KCNH7: variants seen among roughly 807,000 people sequenced by gnomAD.
KCNH7 encodes voltage-gated inwardly rectifying potassium channel KCNH7.
Under a neutral mutation model 120.8 loss-of-function variants are expected in KCNH7, and 49 were observed. That is an observed-to-expected ratio of 0.41 (90% CI 0.32 to 0.51). KCNH7 has a LOEUF of 0.51. KCNH7 is among the 20% of genes least tolerant of loss of function. The probability of loss-of-function intolerance (pLI) is 0.38; values close to 1 mark genes in which losing one functional copy is unlikely to be tolerated. For missense variants in KCNH7, 1,097 were observed against 1,446.6 expected, an observed-to-expected ratio of 0.76 and a Z score of 3.92; for synonymous variants, 547 against 516.1, an observed-to-expected ratio of 1.06 and a Z score of -0.81.
At chr2:162,759,523 G>A (rs1191727440) in intron 2 of KCNH7, among the ~76,000 whole-genome samples, 3 of 151,982 alleles carry the variant, frequency 2.0e-5, no homozygotes, top group Non-Finnish European at 4.4e-5. Context: ...TGTAAGTCCT[G>A]GGGTCTCTAC....
At chr2:162,755,779 T>G (rs1688767371) in intron 2 of KCNH7, among the ~76,000 whole-genome samples, 1 of 152,140 alleles carries the variant, frequency 6.6e-6, no homozygotes, top group Non-Finnish European at 1.5e-5. Flanking sequence ...TGTTATGACA[T>G]GAAATACTAA....
intron 6 of KCNH7, among the ~76,000 whole-genome samples, chr2:162,482,572 G>A (rs934031860): frequency 2.0e-5 from 3 of 152,118 alleles, no homozygotes; most frequent in South Asian, 2.1e-4. Context: ...TAAGACTTGG[G>A]AATAGCTGTT....
At chr2:162,837,629 T>C (rs537754333) in intron 1 of KCNH7, among the ~76,000 whole-genome samples, 143 of 152,314 alleles carry the variant, frequency 9.4e-4, no homozygotes, top group Non-Finnish European at 1.8e-3. Flanking sequence ...AATGTATTAA[T>C]ATAGTTTTAA....
intron 2 of KCNH7, among the ~76,000 whole-genome samples, chr2:162,816,056 C>T (rs995275102): frequency 2.6e-5 from 4 of 151,938 alleles, no homozygotes; most frequent in Admixed American, 6.5e-5. Context: ...GTCGGGAGTT[C>T]GAGACCAGCC....
chr2:162,461,164 A>T lies in KCNH7; in HGVS notation c.1129-14721T>A, dbSNP rs185467990. The stretch of plus-strand genomic sequence containing the variant: ...GAATGCTAGATAGCCATGGATGGGC[A>T]TCAACAAAATAAAAACAAAGACAAT... On this transcript the variant is annotated intron_variant, in intron 6 of 15. Coordinates refer to ENST00000332142, the MANE Select transcript of KCNH7 (RefSeq NM_033272.4). 3.3e-4 allele frequency among the ~76,000 whole-genome samples: 51 copies of T among 152,344 alleles called. 1 individual carries two copies. The Middle Eastern group carries it at 0.017, about 51-fold the overall frequency.
chr2:162,412,198 C>G (rs866674762), intron 9 of KCNH7, among the ~76,000 whole-genome samples: 1 of 151,714 alleles, frequency 6.6e-6, no homozygotes, highest in African/African-American at 2.4e-5. Flanking sequence ...AATGGAAATG[C>G]TTAATATATT....
chr2:162,650,757 C>T (rs1684536863), intron 2 of KCNH7, among the ~76,000 whole-genome samples: 1 of 152,150 alleles, frequency 6.6e-6, no homozygotes, highest in South Asian at 2.1e-4. Flanking sequence ...TCAGCTCTAC[C>T]AGAGCAAGGG....
chr2:162,459,255 A>G (rs1339989180), intron 6 of KCNH7, among the ~76,000 whole-genome samples: 1 of 152,086 alleles, frequency 6.6e-6, no homozygotes, highest in Non-Finnish European at 1.5e-5. Flanking sequence ...TGGTATATAC[A>G]TGTAATGTAT....
intron 2 of KCNH7, among the ~76,000 whole-genome samples, chr2:162,628,490 T>A (rs531604425): frequency 6.6e-6 from 1 of 152,118 alleles, no homozygotes; most frequent in East Asian, 1.9e-4. Flanking sequence ...GTTTGTTACA[T>A]AGGTAAACTT....
In KCNH7 at chr2:162,702,131, G is replaced by A. The variant is rs1021238940; in HGVS notation, c.307+134406C>T. Among the ~76,000 whole-genome samples the A allele has an allele frequency of 5.9e-5, 9 of 151,896 alleles. No individual in the cohort carries two copies. In the South Asian group the frequency reaches 6.2e-4, roughly 11 times the overall value. ...AGAAAAAAATTTTTTCAAAATATTC[G>A]GTCCTTTTAAAGTAAAGCAAGAACA... On this transcript the variant is annotated intron_variant, in intron 2 of 15. Transcript: ENST00000332142.
At chr2:162,812,461 A>G (rs189112202) in intron 2 of KCNH7, among the ~76,000 whole-genome samples, 19 of 152,238 alleles carry the variant, frequency 1.2e-4, no homozygotes, top group African/African-American at 4.3e-4. Context: ...TCAGAGCACA[A>G]ACCCACAGGA....
At chr2:162,380,898 C>T (rs1005437333) in intron 13 of KCNH7, among the ~76,000 whole-genome samples, 2 of 152,096 alleles carry the variant, frequency 1.3e-5, no homozygotes, top group Non-Finnish European at 2.9e-5. Context: ...TTTTTCTGAA[C>T]TTCTTTTAAT....
chr2:162,812,237 G>A (rs1684755671), intron 2 of KCNH7, among the ~76,000 whole-genome samples: 1 of 152,030 alleles, frequency 6.6e-6, no homozygotes, highest in Non-Finnish European at 1.5e-5. Flanking sequence ...GAAAAGAGAG[G>A]CCCCTAAATA....
chr2:162,805,651 T>A (rs181639436), intron 2 of KCNH7, among the ~76,000 whole-genome samples: 5 of 152,204 alleles, frequency 3.3e-5, no homozygotes, highest in African/African-American at 1.2e-4. Flanking sequence ...TAAATTAGGA[T>A]AACCTCTATG....
At chr2:162,786,403 T>A (rs148392364) in intron 2 of KCNH7, among the ~76,000 whole-genome samples, 6 of 152,130 alleles carry the variant, frequency 3.9e-5, no homozygotes, top group African/African-American at 1.4e-4. Context: ...TAAGAGAACA[T>A]GCACAGAGGT....
chr2:162,427,012 A>G (rs944112956), intron 8 of KCNH7, among the ~76,000 whole-genome samples: 1 of 151,928 alleles, frequency 6.6e-6, no homozygotes, highest in Admixed American at 6.6e-5. Flanking sequence ...TTTGCTCAAC[A>G]TAATGTTTTT....
chr2:162,439,517 GAACTCAACTT>G (rs1688355637), intron 7 of KCNH7, among the ~76,000 whole-genome samples: 1 of 152,034 alleles, frequency 6.6e-6, no homozygotes, highest in South Asian at 2.1e-4. Context: ...TGCTATCTCA[GAACTCAACTT>G]ATTTATTGTG....
In KCNH7 at chr2:162,671,657, C is replaced by T. The variant is rs539070734; in HGVS notation, c.308-134577G>A. On this transcript the variant is annotated intron_variant, in intron 2 of 15. Coordinates refer to ENST00000332142, the MANE Select transcript of KCNH7 (RefSeq NM_033272.4). ...GGGTACACTAAAAACCCAAACTTCA[C>T]CACTATGCAATATATCTATGTAACA... Among the ~76,000 whole-genome samples, 55 of 151,834 alleles carry T rather than the reference C, an allele frequency of 3.6e-4. 1 individual carries two copies. The highest frequency in any genetic ancestry group is 6.2e-4 in the Non-Finnish European group (42 of 67,966).
At chr2:162,833,311 C>A (rs1292679491) in intron 2 of KCNH7, among the ~76,000 whole-genome samples, 1 of 151,916 alleles carries the variant, frequency 6.6e-6, no homozygotes, top group East Asian at 1.9e-4. Context: ...TTCCTTTCCA[C>A]TTGCATCATC....
Sources: gnomAD v4.1 joint callset for allele counts (sites outside exome capture counted in the v4.1 genomes callset) on GRCh38, gnomAD v4.1.1 for gene constraint, MANE v1.5 for transcripts, NCBI Gene and HGNC (gene_info 2026-07-23, HGNC 2026-07-21) for gene names.